Variants in TECTA observed in about 807,000 individuals in gnomAD.
The protein encoded by TECTA is tectorin alpha, also known as alpha-tectorin.
A neutral mutation model predicts 216.8 loss-of-function variants in TECTA; 128 were observed. The ratio of observed to expected loss-of-function variants is 0.59; its 90% confidence interval spans 0.51 to 0.68. The LOEUF (loss-of-function observed/expected upper bound fraction) is 0.68, where lower values mean the gene tolerates loss of function less well. Among genes scored for constraint, TECTA ranks in the 30% least tolerant of loss-of-function variants. The pLI is 0.00. For synonymous variants in TECTA, 1,089 were observed against 1,117.1 expected (o/e 0.97, Z 0.50); for missense variants, 2,551 against 2,786.2 (o/e 0.92, Z 1.90).
At position 121,113,019 on chromosome 11, in the gene TECTA, C is replaced by T; in HGVS notation, c.487-53C>T. On this transcript the variant is annotated intron_variant, in intron 4 of 23. Coordinates refer to ENST00000392793, the MANE Select transcript of TECTA (RefSeq NM_005422.4). The surrounding 1 kb of genome is among the most constrained non-coding windows in gnomAD (Gnocchi z 4.2). ...GGGTGAAGGGAGGACCTCCTTGGGGCCAGGACCTCCTGGGGAGTGCAAGTC... is the reference window on the plus strand; with the variant it reads ...GGGTGAAGGGAGGACCTCCTTGGGGTCAGGACCTCCTGGGGAGTGCAAGTC... 2.5e-6 allele frequency: 4 copies of T among 1,612,060 alleles called. No individual in the cohort carries two copies. The highest frequency in any genetic ancestry group is 3.4e-6 in the Non-Finnish European group (4 of 1,179,208).
chr11:121,166,060 G>A (rs918576647), intron 17 of TECTA, among the ~76,000 whole-genome samples: 3 of 152,208 alleles, frequency 2.0e-5, no homozygotes, highest in Non-Finnish European at 4.4e-5. Context: ...TTTCTGTAGT[G>A]CTTATTAGCC....
At chr11:121,187,078 G>A (rs572598773) in intron 20 of TECTA, among the ~76,000 whole-genome samples, 3 of 152,360 alleles carry the variant, frequency 2.0e-5, no homozygotes, top group African/African-American at 7.2e-5. Flanking sequence ...ATTTATAGAA[G>A]AGAGGTTGCC....
Position 121,137,629 on chromosome 11 carries a change from C to T in TECTA, c.3150C>T (p.Thr1050=), listed in dbSNP as rs769892424. The T allele has an allele frequency of 1.9e-6, 3 of 1,614,032 alleles. No homozygotes were observed. The highest frequency in any genetic ancestry group is 1.7e-6 in the Non-Finnish European group (2 of 1,180,010). The change falls in exon 11 of 24, where the codon ACC becomes ACT. Residue 1050 remains threonine, a synonymous_variant. Coordinates refer to ENST00000392793, the MANE Select transcript of TECTA (RefSeq NM_005422.4). ...FEGHQLATNE[T]FWVDLDCQIF... is the part of the protein sequence containing the mutation. Reference sequence around the variant, plus strand: ...GGCACCAACTTGCCACCAATGAGACCTTCTGGGTGGACCTGGACTGCCAGA... The same window carrying T: ...GGCACCAACTTGCCACCAATGAGACTTTCTGGGTGGACCTGGACTGCCAGA...
chr11:121,105,869 G>A lies in TECTA; in HGVS notation c.103G>A (p.Asp35Asn). ...GCTCATGTATCCATTTTGGCAGAATGACACCAAAACCCCTAAAGTAGATGA... is the reference window on the plus strand; with the variant it reads ...GCTCATGTATCCATTTTGGCAGAATAACACCAAAACCCCTAAAGTAGATGA... ...RELMYPFWQN[D>N]TKTPKVDDGS... The change falls in exon 3 of 24, where the codon GAC becomes AAC. Residue 35 changes from aspartate to asparagine, a missense_variant. Asp to Asn is a conservative substitution (Grantham distance 23). Coordinates refer to ENST00000392793, the MANE Select transcript of TECTA (RefSeq NM_005422.4). This position sits in a 1 kb window ranked among gnomAD's most constrained non-coding sequence, Gnocchi z 5.3. 6.2e-7 allele frequency: 1 copy of A among 1,614,158 alleles called. No homozygotes were observed. The highest frequency in any genetic ancestry group is 8.5e-7 in the Non-Finnish European group (1 of 1,180,018).
At chr11:121,147,787 G>C (rs1407929091) in intron 12 of TECTA, among the ~76,000 whole-genome samples, 1 of 152,156 alleles carries the variant, frequency 6.6e-6, no homozygotes, top group Non-Finnish European at 1.5e-5. Context: ...GCTGTGCTGG[G>C]TGTACTGCTC....
At position 121,149,461 on chromosome 11, in the gene TECTA, A is replaced by G. The variant is rs541813515; in HGVS notation, c.4105+3345A>G. On this transcript the variant is annotated intron_variant, in intron 12 of 23. Transcript: ENST00000392793. Reference sequence around the variant, plus strand: ...TACAACTATTACTACTGTGAATTGCAGAAGTTATTATAGAAGTACCAGGCA... The same window carrying G: ...TACAACTATTACTACTGTGAATTGCGGAAGTTATTATAGAAGTACCAGGCA... 2.6e-5 allele frequency among the ~76,000 whole-genome samples: 4 copies of G among 152,368 alleles called. No individual in the cohort carries two copies. In the East Asian group the frequency reaches 7.7e-4, roughly 29 times the overall value.
chr11:121,105,940 T>C lies in TECTA; in HGVS notation c.174T>C (p.Phe58=). The C allele has an allele frequency of 6.2e-7, 1 of 1,614,234 alleles. No individual in the cohort carries two copies. Among genetic ancestry groups the C allele is most frequent in the Non-Finnish European group, 8.5e-7 (1 of 1,180,036 alleles). ...AGTTGGCCATCCCAGTTTTCTTCTT[T>C]GGCGTTCCTTACCGCACTGTCTATG... is the stretch of plus-strand genomic sequence containing the variant. The part of the protein sequence containing the change: ...EIKLAIPVFF[F]GVPYRTVYVN... Residue 58 remains phenylalanine (F), a synonymous_variant, in exon 3 of 24, where the codon TTT becomes TTC. Transcript: ENST00000392793. This position sits in a 1 kb window ranked among gnomAD's most constrained non-coding sequence, Gnocchi z 5.3.
At position 121,158,030 on chromosome 11, in the gene TECTA, G is replaced by C. The variant is rs1383385826; in HGVS notation, c.4495G>C (p.Asp1499His). 12 of 1,612,958 alleles carry C rather than the reference G, an allele frequency of 7.4e-6. No homozygotes were observed. In the East Asian group the frequency reaches 2.7e-4, roughly 36 times the overall value. ...AAGGGVFRTFDGAFLRFPANC... is the reference protein window; with the variant it reads ...AAGGGVFRTFHGAFLRFPANC... ...CGGCGGCGGCGTCTTCCGCACCTTC[G>C]ACGGCGCCTTCCTGCGCTTCCCAGC... The change falls in exon 14 of 24, where the codon GAC (aspartate) becomes CAC (histidine). Residue 1499 changes from aspartate (D) to histidine (H), a missense_variant. Physicochemically the swap from Asp to His is moderately conservative, Grantham distance 81. This residue lies in a region of TECTA where 2,375 missense variants were observed against 2,563.9 expected (regional missense o/e 0.93). Coordinates refer to ENST00000392793, the MANE Select transcript of TECTA (RefSeq NM_005422.4).
intron 12 of TECTA, among the ~76,000 whole-genome samples, chr11:121,146,476 G>A (rs1021394313): frequency 6.6e-6 from 1 of 152,032 alleles, no homozygotes; most frequent in Admixed American, 6.5e-5. Context: ...GCACCTCATG[G>A]GCCCATCCTT....
At chr11:121,160,532 CA>C (rs1334836978) in intron 15 of TECTA, 111 bp downstream of exon 15, 1 of 1,445,402 alleles carries the variant, frequency 6.9e-7, no homozygotes, top group Non-Finnish European at 9.6e-7. Context: ...TGCTCTCCTA[CA>C]GAGACGAGCC....
chr11:121,166,009 G>A (rs1947049856), intron 17 of TECTA, among the ~76,000 whole-genome samples: 1 of 152,212 alleles, frequency 6.6e-6, no homozygotes, highest in African/African-American at 2.4e-5. Flanking sequence ...CCTTAGGAGG[G>A]GACAAGGGCT....
At chr11:121,159,479 G>A (rs894866298) in intron 14 of TECTA, among the ~76,000 whole-genome samples, 1 of 152,192 alleles carries the variant, frequency 6.6e-6, no homozygotes, top group African/African-American at 2.4e-5. Context: ...ATAGCCTGGG[G>A]AGAATAGTTT....
chr11:121,128,018 G>A lies in TECTA; in HGVS notation c.2041G>A (p.Gly681Arg). 6.2e-7 allele frequency: 1 copy of A among 1,613,628 alleles called. No individual in the cohort carries two copies. The highest frequency in any genetic ancestry group is 1.7e-4 in the Middle Eastern group (1 of 6,060). ...TGTGCAATGCCTGTGCGAGGAGGGC[G>A]GGGACGTCTACTGCTTCAACAAGAC... ...CTVQCLCEEGGDVYCFNKTCG... is the reference protein window; with the variant it reads ...CTVQCLCEEGRDVYCFNKTCG... The change falls in exon 9 of 24, where the codon GGG (glycine) becomes AGG (arginine). Residue 681 changes from glycine (G) to arginine (R), a missense_variant. Coordinates refer to ENST00000392793, the MANE Select transcript of TECTA (RefSeq NM_005422.4).
chr11:121,170,335 G>C (rs74783268), intron 20 of TECTA, among the ~76,000 whole-genome samples: 3,310 of 152,216 alleles, frequency 0.022, 46 homozygotes, highest in Non-Finnish European at 0.034. Flanking sequence ...GTATTCTTTT[G>C]ATATACTAAT....
chr11:121,148,992 A>C (rs568817828), intron 12 of TECTA, among the ~76,000 whole-genome samples: 2 of 152,348 alleles, frequency 1.3e-5, no homozygotes, highest in Admixed American at 6.5e-5. Flanking sequence ...GAGAAAGAGA[A>C]GGAAATAAAA....
intron 20 of TECTA, among the ~76,000 whole-genome samples, chr11:121,187,299 G>C (rs147642232): frequency 6.6e-6 from 1 of 152,160 alleles, no homozygotes; most frequent in Non-Finnish European, 1.5e-5. Flanking sequence ...AAGAAGGAAG[G>C]GGGCTGAGAA....
chr11:121,184,856 TG>T (rs749238607), intron 20 of TECTA, among the ~76,000 whole-genome samples: 11 of 152,222 alleles, frequency 7.2e-5, no homozygotes, highest in Non-Finnish European at 1.5e-4. Context: ...GGGAGGGACG[TG>T]GTGACTACTT....
At chr11:121,131,075 G>T (rs780313109) in intron 10 of TECTA, among the ~76,000 whole-genome samples, 2 of 152,048 alleles carry the variant, frequency 1.3e-5, no homozygotes, top group African/African-American at 2.4e-5. Context: ...TTAGCCGGGC[G>T]TGGTGGCGGG....
chr11:121,140,486 G>T (rs578001922), intron 11 of TECTA, among the ~76,000 whole-genome samples: 1 of 152,350 alleles, frequency 6.6e-6, no homozygotes, highest in Admixed American at 6.5e-5. Context: ...TCACAGAGAG[G>T]TGGAGAGGGG....
Sources: gnomAD v4.1 joint callset for allele counts (sites outside exome capture counted in the v4.1 genomes callset) on GRCh38, gnomAD v4.1.1 for gene constraint, gnomAD v4.1.1 regional missense constraint, Gnocchi (gnomAD v3.1) non-coding constraint, MANE v1.5 for transcripts, NCBI Gene and HGNC (gene_info 2026-07-23, HGNC 2026-07-21) for gene names.